The following KIF5C variants were observed in gnomAD, a reference collection of about 807,000 sequenced individuals.
KIF5C encodes the protein kinesin family member 5C.
In KIF5C, 18 loss-of-function variants were observed where a neutral mutation model predicts 125.2. The ratio of observed to expected loss-of-function variants is 0.14; its 90% CI spans 0.10 to 0.21. The LOEUF (loss-of-function observed/expected upper bound fraction) is 0.21. Among genes scored for constraint, KIF5C ranks in the 10% least tolerant of loss-of-function variants. The pLI, the probability that KIF5C is intolerant of heterozygous loss-of-function variation, is 1.00. For missense variants in KIF5C, 780 were observed against 1,183.8 expected (o/e 0.66, Z 5.01); for synonymous variants, 405 against 434.0 (o/e 0.93, Z 0.83).
chr2:148,978,346 T>TG (rs1472488035), intron 12 of KIF5C, among the ~76,000 whole-genome samples: 5 of 147,876 alleles, frequency 3.4e-5, no homozygotes, highest in African/African-American at 1.0e-4. Context: ...TTTTTTTTTT[T>TG]TTTTTTTTTT....
Position 148,949,958 on chromosome 2 carries a change from C to T in KIF5C, c.819+15C>T, listed in dbSNP as rs77745747. 4,608 of 1,609,678 alleles carry T rather than the reference C, an allele frequency of 2.9e-3. 136 individuals carry two copies. In the African/African-American group the frequency reaches 0.056, roughly 20 times the overall value. ...CAGAAGGGACAGTAAGTGATCCTGC[C>T]CCCATCTATTAAGTAATATTATGAG... On this transcript the variant is annotated intron_variant, in intron 9 of 25. Coordinates refer to ENST00000435030, the MANE Select transcript of KIF5C (RefSeq NM_004522.3).
intron 4 of KIF5C, among the ~76,000 whole-genome samples, chr2:148,940,208 T>C (rs1159672443): frequency 6.6e-6 from 1 of 152,082 alleles, no homozygotes; most frequent in Non-Finnish European, 1.5e-5. Flanking sequence ...ATGTCCAGGA[T>C]TGGAGGTCAG....
chr2:148,952,575 G>A (rs555690286), intron 10 of KIF5C, among the ~76,000 whole-genome samples: 2 of 152,260 alleles, frequency 1.3e-5, no homozygotes, highest in East Asian at 3.9e-4. Flanking sequence ...GACTAAACAT[G>A]TAGGATGTCC....
At chr2:148,951,381 G>A (rs889356312) in intron 10 of KIF5C, among the ~76,000 whole-genome samples, 2 of 152,156 alleles carry the variant, frequency 1.3e-5, no homozygotes, top group Non-Finnish European at 2.9e-5. Flanking sequence ...CAGCAGGTAC[G>A]ACTCCATAAT....
At chr2:148,938,365 C>T (rs914755088) in intron 4 of KIF5C, among the ~76,000 whole-genome samples, 14 of 152,192 alleles carry the variant, frequency 9.2e-5, no homozygotes, top group African/African-American at 2.9e-4. Context: ...CAAAAGTGTA[C>T]AATGATGATC....
chr2:148,904,124 C>G (rs947236359), intron 1 of KIF5C, among the ~76,000 whole-genome samples: 1 of 152,222 alleles, frequency 6.6e-6, no homozygotes, highest in African/African-American at 2.4e-5. Flanking sequence ...TTTTCCCAAA[C>G]AATTAGAGGA....
intron 18 of KIF5C, chr2:148,997,568 C>A: frequency 2.9e-6 from 2 of 678,740 alleles, no homozygotes; most frequent in East Asian, 5.7e-5. Context: ...TGCGTTAATA[C>A]CTTTGTCTTC....
At chr2:148,953,583 C>T (rs925676635) in intron 10 of KIF5C, among the ~76,000 whole-genome samples, 1 of 152,168 alleles carries the variant, frequency 6.6e-6, no homozygotes, top group Admixed American at 6.5e-5. Flanking sequence ...CCGGGCACAT[C>T]CCAAATTCAT....
At position 149,011,633 on chromosome 2, in the gene KIF5C, G is replaced by A. The variant is rs768308153; in HGVS notation, c.2831G>A (p.Gly944Glu). 1.9e-6 allele frequency: 3 copies of A among 1,613,928 alleles called. No individual in the cohort carries two copies. The African/African-American group carries it at 4.0e-5, about 22-fold the overall frequency. The change falls in exon 25 of 26, where the codon GGG becomes GAG. Residue 944 changes from glycine to glutamate, a missense_variant. By Grantham distance (98) the Gly-to-Glu change is moderately conservative. Coordinates refer to ENST00000435030, the MANE Select transcript of KIF5C (RefSeq NM_004522.3). ...SSPTAVHAIR[G>E]GGGSSSNSTH... Reference sequence around the variant, plus strand: ...CCAACGGCCGTCCATGCCATTCGAGGGGGAGGAGGCAGCTCTTCAAATTCC... The same window carrying A: ...CCAACGGCCGTCCATGCCATTCGAGAGGGAGGAGGCAGCTCTTCAAATTCC...
chr2:148,987,218 GGCATGT>G (rs1681402287), intron 15 of KIF5C, among the ~76,000 whole-genome samples: 1 of 152,080 alleles, frequency 6.6e-6, no homozygotes, highest in Non-Finnish European at 1.5e-5. Flanking sequence ...ATGAAGGAGT[GGCATGT>G]GCATGTGTAG....
chr2:148,998,831 C>CAAA (rs58960407), intron 19 of KIF5C: 4 of 62,372 alleles, frequency 6.4e-5, no homozygotes, highest in African/African-American at 1.2e-4. Flanking sequence ...ATGAAAGCAC[C>CAAA]AAAAAAAAAA....
intron 1 of KIF5C, among the ~76,000 whole-genome samples, chr2:148,890,328 G>C (rs1236934345): frequency 6.6e-6 from 1 of 152,112 alleles, no homozygotes; most frequent in Non-Finnish European, 1.5e-5. Context: ...GCAAGACCCT[G>C]CCTCTACAGA....
intron 25 of KIF5C, among the ~76,000 whole-genome samples, chr2:149,017,504 G>C (rs1396609277): frequency 2.0e-5 from 3 of 152,162 alleles, no homozygotes; most frequent in Non-Finnish European, 4.4e-5. Flanking sequence ...CCCTCGTTTT[G>C]AGAGCCCTGG....
intron 15 of KIF5C, among the ~76,000 whole-genome samples, chr2:148,988,444 C>T (rs1274027653): frequency 6.6e-6 from 1 of 152,184 alleles, no homozygotes; most frequent in African/African-American, 2.4e-5. Context: ...CCTCAATTTA[C>T]ATGGGATCTA....
At chr2:148,898,133 C>T (rs1157368593) in intron 1 of KIF5C, among the ~76,000 whole-genome samples, 2 of 151,742 alleles carry the variant, frequency 1.3e-5, no homozygotes, top group Non-Finnish European at 2.9e-5. Flanking sequence ...TTTTCCTAGC[C>T]CTCCCTTCCT....
intron 1 of KIF5C, among the ~76,000 whole-genome samples, chr2:148,875,962 C>T (rs543113184): frequency 1.2e-5 from 1 of 84,148 alleles, no homozygotes; most frequent in African/African-American, 4.3e-5. Context: ...GCGGGGGTGG[C>T]GGGGGTGGGG....
intron 22 of KIF5C, 43 bp downstream of exon 22, chr2:149,005,507 G>A (rs1251310215): frequency 6.2e-7 from 1 of 1,604,578 alleles, no homozygotes; most frequent in South Asian, 1.1e-5. Flanking sequence ...GAAAATCAAA[G>A]ATGGCAGGGA....
At chr2:148,991,712 G>A (rs1224991765) in intron 16 of KIF5C, among the ~76,000 whole-genome samples, 1 of 152,068 alleles carries the variant, frequency 6.6e-6, no homozygotes, top group Admixed American at 6.5e-5. Flanking sequence ...CCTCAGATAG[G>A]CAGCTGAGAT....
At chr2:149,007,660 T>C (rs150401531) in intron 22 of KIF5C, among the ~76,000 whole-genome samples, 55 of 152,290 alleles carry the variant, frequency 3.6e-4, no homozygotes, top group African/African-American at 1.3e-3. Flanking sequence ...AAGAAGTCTC[T>C]ATTTACTACA....
Sources: allele counts gnomAD v4.1 joint callset (sites outside exome capture counted in the v4.1 genomes callset), GRCh38; gene constraint gnomAD v4.1.1; transcripts MANE v1.5; gene names NCBI Gene and HGNC (gene_info 2026-07-23, HGNC 2026-07-21).